The following TENM1 variants were observed in gnomAD, a reference collection of about 807,000 sequenced individuals.
The protein encoded by TENM1 is teneurin-1.
In TENM1, 35 loss-of-function variants were observed where a neutral mutation model predicts 174.8. The ratio of observed to expected loss-of-function variants is 0.20; its 90% CI spans 0.15 to 0.27. The LOEUF (loss-of-function observed/expected upper bound fraction) is 0.27, where lower values mean the gene tolerates loss of function less well. Ranked by LOEUF, TENM1 falls within the 10% of genes least tolerant of loss-of-function variation. The pLI is 1.00. For missense variants in TENM1, 1,633 were observed against 2,130.1 expected, an observed-to-expected ratio of 0.77 and a Z score of 4.59; for synonymous variants, 781 against 798.7, an observed-to-expected ratio of 0.98 and a Z score of 0.37.
At chrX:124,554,222 CTAATA>C (rs1274968973) in intron 14 of TENM1, among the ~76,000 whole-genome samples, 4 of 112,485 alleles carry the variant, frequency 3.6e-5, no homozygotes, top group Admixed American at 9.4e-5. Context: ...AAATGTCCAA[CTAATA>C]TATCAAATTG....
In TENM1 at chrX:124,696,260, A is replaced by G. The variant is rs755496458; in HGVS notation, c.1015+8753T>C. ...AGCCAAATAGTTCAAGTAGGTTCAA[A>G]AGTCATCTGATTCTTCAACTACTTA... is the stretch of plus-strand genomic sequence containing the variant. On this transcript the variant is annotated intron_variant, in intron 5 of 31. Transcript: ENST00000422452. Among the ~76,000 whole-genome samples, 4 of 111,889 alleles carry G rather than the reference A, an allele frequency of 3.6e-5. No homozygotes were observed. The East Asian group carries it at 1.1e-3, about 31-fold the overall frequency.
At chrX:125,096,372 G>C in the TENM1 span, among the ~76,000 whole-genome samples, 1 of 107,783 alleles carries the variant, frequency 9.3e-6, no homozygotes, top group Non-Finnish European at 2.0e-5. Context: ...ATTTTAATTT[G>C]CTTTAATAAA....
the TENM1 span, among the ~76,000 whole-genome samples, chrX:124,991,339 G>A: frequency 9.0e-6 from 1 of 110,915 alleles, no homozygotes. Flanking sequence ...ATTTTGTAAT[G>A]TTCATAGTGG....
the TENM1 span, among the ~76,000 whole-genome samples, chrX:125,155,266 G>C: frequency 8.9e-6 from 1 of 112,032 alleles, no homozygotes; most frequent in Non-Finnish European, 1.9e-5. Context: ...CACAAACCCT[G>C]AGCTAGACAC....
chrX:124,579,095 T>G (rs1360471200), intron 11 of TENM1, among the ~76,000 whole-genome samples: 1 of 111,927 alleles, frequency 8.9e-6, no homozygotes, highest in Non-Finnish European at 1.9e-5. Context: ...TAGCCACCCT[T>G]GAGTCCTACA....
chrX:124,526,108 A>G (rs1250214934), intron 16 of TENM1, among the ~76,000 whole-genome samples: 1 of 111,740 alleles, frequency 8.9e-6, no homozygotes, highest in Non-Finnish European at 1.9e-5. Context: ...ATGAAACACC[A>G]ATCTAGGTAT....
rs746926376 is a variant in TENM1 at position 124,737,292 on chromosome X, A to G, written c.536-95T>C. ...TGACAGACTTACCAGGATTTCAGAT[A>G]ATAAAACCTGTGGGGTGAGGGAGGT... On this transcript the variant is annotated intron_variant, in intron 3 of 31. Transcript: ENST00000422452. The G allele has an allele frequency of 1.0e-3, 1,020 of 983,150 alleles. 1 individual carries two copies. Among genetic ancestry groups the G allele is most frequent in the Non-Finnish European group, 1.2e-3 (928 of 743,368 alleles). 81.0% of individuals were successfully genotyped at this position (983,150 alleles called of 1,213,427 possible).
exon 30 of TENM1, chrX:124,383,691 A>G: frequency 8.3e-7 from 1 of 1,209,233 alleles, no homozygotes; most frequent in Non-Finnish European, 1.1e-6. Flanking sequence ...TTTTCAAAGG[A>G]GTAGAGGTTG....
intron 1 of TENM1, among the ~76,000 whole-genome samples, chrX:124,917,003 C>G (rs2057937073): frequency 8.9e-6 from 1 of 112,132 alleles, no homozygotes; most frequent in Non-Finnish European, 1.9e-5. Context: ...CCTGTCCCCA[C>G]TGATTAGTCC....
intron 11 of TENM1, among the ~76,000 whole-genome samples, chrX:124,601,737 G>T (rs1223393628): frequency 3.6e-5 from 4 of 110,235 alleles, no homozygotes; most frequent in Non-Finnish European, 7.6e-5. Context: ...GCTACTGCTT[G>T]TATAGGTAGG....
chrX:124,659,544 C>T (rs750921994), intron 6 of TENM1, among the ~76,000 whole-genome samples: 2 of 111,553 alleles, frequency 1.8e-5, no homozygotes, highest in South Asian at 7.5e-4. Context: ...GTTAAGATGG[C>T]AGTACTTCCC....
the TENM1 span, among the ~76,000 whole-genome samples, chrX:125,047,782 A>G: frequency 9.0e-6 from 1 of 111,403 alleles, no homozygotes; most frequent in East Asian, 2.8e-4. Flanking sequence ...CCAATCCAAA[A>G]ATTCCTTTTT....
chrX:124,879,577 C>T (rs189649956), intron 3 of TENM1, among the ~76,000 whole-genome samples: 17 of 112,104 alleles, frequency 1.5e-4, no homozygotes, highest in Non-Finnish European at 5.6e-5. Context: ...CTGCAATAAT[C>T]ATGGGAGTGC....
intron 19 of TENM1, among the ~76,000 whole-genome samples, 157 bp downstream of exon 22, chrX:124,503,402 GA>G (rs1341768848): frequency 9.0e-6 from 1 of 111,716 alleles, no homozygotes; most frequent in African/African-American, 3.2e-5. Context: ...ACCACACTAA[GA>G]GTAATTCAAA....
At chrX:124,990,949 C>T in the TENM1 span, among the ~76,000 whole-genome samples, 3 of 111,291 alleles carry the variant, frequency 2.7e-5, no homozygotes, top group African/African-American at 9.8e-5. Flanking sequence ...GTGCCTATGA[C>T]AGACACTGTG....
intron 3 of TENM1, among the ~76,000 whole-genome samples, chrX:124,797,297 A>G (rs775454597): frequency 1.8e-5 from 2 of 111,704 alleles, no homozygotes; most frequent in Non-Finnish European, 3.8e-5. Context: ...AACAAGGGCA[A>G]CCTGCAGTTG....
intron 5 of TENM1, among the ~76,000 whole-genome samples, chrX:124,679,053 T>C (rs771410986): frequency 1.8e-5 from 2 of 111,960 alleles, no homozygotes; most frequent in South Asian, 3.7e-4. Flanking sequence ...TGCAAAGATA[T>C]TCAGCTAGGG....
chrX:124,684,554 A>G (rs2052315593), intron 5 of TENM1, among the ~76,000 whole-genome samples: 1 of 111,696 alleles, frequency 9.0e-6, no homozygotes, highest in African/African-American at 3.3e-5. Context: ...AGTGATAGGC[A>G]AGGCCTCAAG....
chrX:124,941,096 C>T (rs2058318962), intron 1 of TENM1, among the ~76,000 whole-genome samples: 1 of 111,052 alleles, frequency 9.0e-6, no homozygotes, highest in African/African-American at 3.3e-5. Flanking sequence ...TCTCCTTGAC[C>T]ATCCCATCAC....
Sources: allele counts gnomAD v4.1 joint callset (sites outside exome capture counted in the v4.1 genomes callset), GRCh38; gene constraint gnomAD v4.1.1; transcripts MANE v1.5; gene names NCBI Gene and HGNC (gene_info 2026-07-23, HGNC 2026-07-21).